The following CLCN2 variants were observed in gnomAD, a reference collection of about 807,000 sequenced individuals.
The protein encoded by CLCN2 is chloride channel protein 2.
CLCN2 carries 72 observed loss-of-function variants against 108.3 expected under a neutral mutation model. The observed-to-expected ratio is 0.66, with a 90% CI of 0.55 to 0.81. The LOEUF is 0.81. Ranked by LOEUF, CLCN2 falls within the 30% of genes least tolerant of loss-of-function variation. CLCN2 has a pLI of 0.00. For synonymous variants in CLCN2, 471 were observed against 467.1 expected (o/e 1.01, Z -0.11); for missense variants, 1,048 against 1,205.2 (o/e 0.87, Z 1.93).
intron 22 of CLCN2, among the ~76,000 whole-genome samples, chr3:184,350,185 C>T (rs73189612): frequency 0.041 from 6,314 of 152,238 alleles, 168 homozygotes; most frequent in Middle Eastern, 0.075. Flanking sequence ...AATTAGACAT[C>T]ATGGAACCCA....
At chr3:184,347,247 T>A in intron 22 of CLCN2, 1 of 592,618 alleles carries the variant, frequency 1.7e-6, no homozygotes, top group Non-Finnish European at 3.0e-6. Flanking sequence ...CTTATATTGC[T>A]TACACTGACG....
At chr3:184,360,249 G>C (rs562861351) in intron 1 of CLCN2, among the ~76,000 whole-genome samples, 2 of 152,148 alleles carry the variant, frequency 1.3e-5, no homozygotes, top group East Asian at 1.9e-4. Flanking sequence ...GATGGTGAAG[G>C]GGGGCGGGAG....
rs756635413 is a variant in CLCN2 at position 184,358,216 on chromosome 3, G to A, written c.447C>T (p.Ala149=). The A allele has an allele frequency of 1.9e-5, 31 of 1,614,004 alleles. No individual in the cohort carries two copies. Among genetic ancestry groups the A allele is most frequent in the Admixed American group, 3.3e-5 (2 of 59,990 alleles). ...TYPVVLITFS[A]GFTQILAPQA... ...GAGGGGCCAGGATCTGTGTGAATCC[G>A]GCTGAGAAAGTGATGAGGACAACAG... The change falls in exon 4 of 24, where the codon GCC becomes GCT. Residue 149 remains alanine (A), a synonymous_variant. Transcript: ENST00000265593.
chr3:184,353,398 A>C lies in CLCN2; in HGVS notation c.1880T>G (p.Ile627Ser). The C allele has an allele frequency of 4.3e-6, 7 of 1,611,880 alleles. No homozygotes were observed. The highest frequency in any genetic ancestry group is 5.9e-6 in the Non-Finnish European group (7 of 1,179,338). ...CAATGCCACCACCTGTGAACGCTCGATGGAGCCCAGCAGAATCATGGACTC... is the reference window on the plus strand; with the variant it reads ...CAATGCCACCACCTGTGAACGCTCGCTGGAGCCCAGCAGAATCATGGACTC... Reference protein sequence around the residue: ...SPESMILLGSIERSQVVALLG... With the variant: ...SPESMILLGSSERSQVVALLG... The change falls in exon 17 of 24, where the codon ATC (isoleucine) becomes AGC (serine). Residue 627 changes from isoleucine to serine, a missense_variant. Ile to Ser is a moderately radical substitution (Grantham distance 142). Transcript: ENST00000265593.
rs996924159 is a variant in CLCN2 at position 184,353,332 on chromosome 3, A to G, written c.1946T>C (p.Met649Thr). The G allele has an allele frequency of 3.1e-5, 50 of 1,613,314 alleles. No individual in the cohort carries two copies. The highest frequency in any genetic ancestry group is 4.2e-5 in the Non-Finnish European group (50 of 1,179,940). ...GGTCTGGGTGGCTCTGCGCTCCTGCATGTGCTGCCGCCGGCGGGCTGGGCT... is the reference window on the plus strand; with the variant it reads ...GGTCTGGGTGGCTCTGCGCTCCTGCGTGTGCTGCCGCCGGCGGGCTGGGCT... ...QLSPARRRQH[M>T]QERRATQTSP... The change falls in exon 17 of 24, where the codon ATG becomes ACG. Residue 649 changes from methionine to threonine, a missense_variant. Coordinates refer to ENST00000265593, the MANE Select transcript of CLCN2 (RefSeq NM_004366.6).
chr3:184,353,583 G>A (rs759631462), intron 16 of CLCN2, 79 bp downstream of exon 16: 31 of 1,590,770 alleles, frequency 1.9e-5, no homozygotes, highest in African/African-American at 2.7e-5. Context: ...CAAGGAGACT[G>A]GTCCTGAGCT....
chr3:184,361,417 C>G lies in CLCN2; in HGVS notation c.63G>C (p.Leu21=), dbSNP rs1712096416. 6.2e-7 allele frequency: 1 copy of G among 1,613,718 alleles called. No individual in the cohort carries two copies. Among genetic ancestry groups the G allele is most frequent in the Non-Finnish European group, 8.5e-7 (1 of 1,179,978 alleles). ...TGGGGCTCAGCTCAGCTTCACTTAC[C>G]AGGGTCTGCTCGTACTGCAGCGCCC... ...EPRALQYEQT[L]MYGRYTQDLG... is the part of the protein sequence containing the mutation. Residue 21 remains leucine (L), a splice_region_variant and synonymous_variant, in exon 1 of 24, where the codon CTG becomes CTC. Transcript: ENST00000265593. The surrounding 1 kb of genome is among the most constrained non-coding windows in gnomAD (Gnocchi z 6.6).
chr3:184,353,864 A>G (rs1200307597), intron 15 of CLCN2, 69 bp from the exon 16 acceptor site: 2 of 1,570,304 alleles, frequency 1.3e-6, no homozygotes, highest in Non-Finnish European at 1.7e-6. Flanking sequence ...TTGCCATCCC[A>G]GGGCCACAAG....
At chr3:184,350,848 A>G (rs745848527) in intron 22 of CLCN2, among the ~76,000 whole-genome samples, 4 of 152,204 alleles carry the variant, frequency 2.6e-5, no homozygotes, top group Non-Finnish European at 5.9e-5. Flanking sequence ...GCTTGTGATG[A>G]TTAAACAGTT....
chr3:184,354,874 G>A (rs1309215290), intron 13 of CLCN2, 30 bp downstream of exon 13: 2 of 1,608,396 alleles, frequency 1.2e-6, no homozygotes, highest in Admixed American at 1.7e-5. Flanking sequence ...GGAAGGTGCA[G>A]GCTGGGTGAG....
At chr3:184,352,365 G>T (rs1288805774) in intron 20 of CLCN2, 34 bp from the exon 21 acceptor site, 2 of 1,613,482 alleles carry the variant, frequency 1.2e-6, no homozygotes, top group Admixed American at 3.3e-5. Flanking sequence ...GCAGCTAGGG[G>T]CTCTGGAGTT....
In CLCN2 at chr3:184,355,767, A is replaced by T; in HGVS notation, c.1097T>A (p.Phe366Tyr). Reference sequence around the variant, plus strand: ...GATGAGCAGGGTCACCAGAGCCGGGAAGAGCAGGCGTCTAGAGTCGTAGGT... The same window carrying T: ...GATGAGCAGGGTCACCAGAGCCGGGTAGAGCAGGCGTCTAGAGTCGTAGGT... The part of the protein sequence containing the change: ...NRFLMRKRLL[F>Y]PALVTLLIST... Residue 366 changes from phenylalanine to tyrosine, a missense_variant, in exon 11 of 24, where the codon TTC (phenylalanine) becomes TAC (tyrosine). Coordinates refer to ENST00000265593, the MANE Select transcript of CLCN2 (RefSeq NM_004366.6). This position sits in a 1 kb window ranked among gnomAD's most constrained non-coding sequence, Gnocchi z 6.3. 1 of 1,614,150 alleles carries T rather than the reference A, an allele frequency of 6.2e-7. No homozygotes were observed. The highest frequency in any genetic ancestry group is 8.5e-7 in the Non-Finnish European group (1 of 1,180,010).
chr3:184,353,670 T>C lies in CLCN2; in HGVS notation c.1847A>G (p.Glu616Gly), dbSNP rs776097333. ...RTKGRMLALVESPESMILLGS... is the reference protein window; with the variant it reads ...RTKGRMLALVGSPESMILLGS... ...ACCCCTCCTGGCCTCACCAGGGGACTCCACTAGGGCCAGCATTCGGCCCTT... is the reference window on the plus strand; with the variant it reads ...ACCCCTCCTGGCCTCACCAGGGGACCCCACTAGGGCCAGCATTCGGCCCTT... Residue 616 changes from glutamate (E) to glycine (G), a missense_variant, in exon 16 of 24, where the codon GAG (glutamate) becomes GGG (glycine). Glu to Gly is a moderately conservative substitution (Grantham distance 98). Transcript: ENST00000265593. 13 of 1,612,392 alleles carry C rather than the reference T, an allele frequency of 8.1e-6. No homozygotes were observed. Among genetic ancestry groups the C allele is most frequent in the Non-Finnish European group, 1.1e-5 (13 of 1,179,858 alleles).
chr3:184,354,271 C>A lies in CLCN2; in HGVS notation c.1551G>T (p.Thr517=). 1 of 1,613,020 alleles carries A rather than the reference C, an allele frequency of 6.2e-7. No homozygotes were observed. The highest frequency in any genetic ancestry group is 8.5e-7 in the Non-Finnish European group (1 of 1,179,940). The change falls in exon 15 of 24, where the codon ACG becomes ACT. Residue 517 remains threonine, a synonymous_variant. Coordinates refer to ENST00000265593, the MANE Select transcript of CLCN2 (RefSeq NM_004366.6). The part of the protein sequence containing the change: ...LAGAVTHTVS[T]AVIVFELTGQ... ...CTGTGAGCTCGAACACGATCACAGC[C>A]GTGGACACTGTGTGTGTCACCGCTC... is the stretch of plus-strand genomic sequence containing the variant.
chr3:184,350,003 G>A (rs192004243), intron 22 of CLCN2, among the ~76,000 whole-genome samples: 7 of 152,138 alleles, frequency 4.6e-5, no homozygotes, highest in Middle Eastern at 3.4e-3. Flanking sequence ...AACTTAATTG[G>A]GCGACTACCT....
chr3:184,353,902 C>T (rs906193604), intron 15 of CLCN2, 107 bp from the exon 16 acceptor site: 209 of 1,525,284 alleles, frequency 1.4e-4, no homozygotes, highest in African/African-American at 5.5e-4. Context: ...TCCATGGGGA[C>T]GGGAGCTAAG....
In CLCN2 at chr3:184,361,444, T is replaced by A; in HGVS notation, c.36A>T (p.Pro12=). 2 of 1,613,370 alleles carry A rather than the reference T, an allele frequency of 1.2e-6. No homozygotes were observed. The highest frequency in any genetic ancestry group is 2.2e-5 in the South Asian group (2 of 91,088). ...GGGTCTGCTCGTACTGCAGCGCCCG[T>A]GGCTCCATCCCTTCCTCCGCCGCCG... is the stretch of plus-strand genomic sequence containing the variant. ...AAAAAEEGME[P]RALQYEQTLM... The change falls in exon 1 of 24, where the codon CCA becomes CCT. Residue 12 remains proline (P), a synonymous_variant. Coordinates refer to ENST00000265593, the MANE Select transcript of CLCN2 (RefSeq NM_004366.6). This position sits in a 1 kb window ranked among gnomAD's most constrained non-coding sequence, Gnocchi z 6.6.
rs1399394115 is a variant in CLCN2 at position 184,346,595 on chromosome 3, C to T, written c.*11G>A. 8 of 1,613,750 alleles carry T rather than the reference C, an allele frequency of 5.0e-6. No homozygotes were observed. Among genetic ancestry groups the T allele is most frequent in the South Asian group, 3.3e-5 (3 of 91,082 alleles). ...CATGGCTAGCACCATCCTAGGCCAC[C>T]CACGAGGGGCTCATTGGCATTTGTC... On this transcript the variant is annotated 3_prime_UTR_variant, in exon 24 of 24. Coordinates refer to ENST00000265593, the MANE Select transcript of CLCN2 (RefSeq NM_004366.6). This position sits in a 1 kb window ranked among gnomAD's most constrained non-coding sequence, Gnocchi z 6.0.
In CLCN2 at chr3:184,346,943, G is replaced by A; in HGVS notation, c.2494C>T (p.Leu832=). 6.2e-7 allele frequency: 1 copy of A among 1,614,064 alleles called. No homozygotes were observed. The highest frequency in any genetic ancestry group is 8.5e-7 in the Non-Finnish European group (1 of 1,179,888). ...GGCCACCATCACCTCACCTCCTTTA[G>A]AGTAACGATTCCAATGAGTCTGCCA... ...SIGRLIGIVT[L]KELRKAIEGS... The change falls in exon 23 of 24, where the codon CTA becomes TTA. Residue 832 remains leucine, a synonymous_variant. Transcript: ENST00000265593. This position sits in a 1 kb window ranked among gnomAD's most constrained non-coding sequence, Gnocchi z 6.0.
Sources: gnomAD v4.1 joint callset for allele counts (sites outside exome capture counted in the v4.1 genomes callset) on GRCh38, gnomAD v4.1.1 for gene constraint, Gnocchi (gnomAD v3.1) non-coding constraint, MANE v1.5 for transcripts, NCBI Gene and HGNC (gene_info 2026-07-23, HGNC 2026-07-21) for gene names.